EHMT2: variants seen among roughly 807,000 people sequenced by gnomAD.
EHMT2 encodes euchromatic histone lysine methyltransferase 2.
A neutral mutation model predicts 143.3 loss-of-function variants in EHMT2; 59 were observed. The ratio of observed to expected loss-of-function variants is 0.41; its 90% CI spans 0.33 to 0.51. The LOEUF (loss-of-function observed/expected upper bound fraction) is 0.51, where lower values mean the gene tolerates loss of function less well. Among genes scored for constraint, EHMT2 ranks in the 20% least tolerant of loss-of-function variants. EHMT2 has a pLI of 0.18. For missense variants in EHMT2, 1,174 were observed against 1,645.9 expected (o/e 0.71, Z 4.96); for synonymous variants, 604 against 651.5 (o/e 0.93, Z 1.11).
intron 4 of EHMT2, 188 bp from the exon 5 acceptor site, chr6:31,893,098 C>G: frequency 1.7e-6 from 1 of 572,624 alleles, no homozygotes; most frequent in Non-Finnish European, 3.1e-6. Context: ...CACACTAACA[C>G]TCACTCATCT....
rs1764048548 is a variant in EHMT2 at position 31,881,112 on chromosome 6, G to A, written c.3198-20C>T. On this transcript the variant is annotated intron_variant, in intron 25 of 27. Transcript: ENST00000375537. The surrounding 1 kb of genome is among the most constrained non-coding windows in gnomAD (Gnocchi z 4.8). ...ACATACCTGTGGGACAGGAATCCAT[G>A]GTTCTGAAGGTGAGTGTGGGCTATT... The A allele has an allele frequency of 6.2e-7, 1 of 1,607,750 alleles. No individual in the cohort carries two copies.
In EHMT2 at chr6:31,889,040, C is replaced by T. The variant is rs748821078; in HGVS notation, c.1145G>A (p.Ser382Asn). ...CCCCAGAGGGACCTCCATGTACTCA[C>T]TGGGGCCTGAGGAGCCCACACCATT... Residue 382 changes from serine (S) to asparagine (N), a missense_variant, in exon 10 of 28, where the codon AGT becomes AAT. By Grantham distance (46) the Ser-to-Asn change is conservative (BLOSUM62 1). Around this residue, in one of 6 missense-constraint regions of EHMT2, gnomAD observed 608 missense variants for 903.7 expected, o/e 0.67. Coordinates refer to ENST00000375537, the Ensembl canonical transcript of EHMT2. The surrounding 1 kb of genome is among the most constrained non-coding windows in gnomAD (Gnocchi z 5.1). The T allele has an allele frequency of 2.5e-6, 4 of 1,604,782 alleles. No individual in the cohort carries two copies. The South Asian group carries it at 4.5e-5, about 18-fold the overall frequency.
In EHMT2 at chr6:31,892,396, C is replaced by T; in HGVS notation, c.864+11G>A. ...AGCACCGGCGGGGAGGGCAGACCAGCTCTGTCTCACCTTGCTGTCGGAGTC... is the reference window on the plus strand; with the variant it reads ...AGCACCGGCGGGGAGGGCAGACCAGTTCTGTCTCACCTTGCTGTCGGAGTC... On this transcript the variant is annotated intron_variant, in intron 7 of 27. Coordinates refer to ENST00000375537, the Ensembl canonical transcript of EHMT2. The T allele has an allele frequency of 6.2e-7, 1 of 1,611,370 alleles. No individual in the cohort carries two copies. The highest frequency in any genetic ancestry group is 8.5e-7 in the Non-Finnish European group (1 of 1,178,838).
At chr6:31,885,063 C>G in intron 18 of EHMT2, 47 bp from the exon 19 acceptor site, 1 of 1,562,852 alleles carries the variant, frequency 6.4e-7, no homozygotes, top group Non-Finnish European at 8.7e-7. Flanking sequence ...GCCCTGCTCA[C>G]CAAAGCAGCA....
At chr6:31,894,913 A>G (rs889143081) in intron 4 of EHMT2, among the ~76,000 whole-genome samples, 2 of 152,038 alleles carry the variant, frequency 1.3e-5, no homozygotes, top group African/African-American at 2.4e-5. Flanking sequence ...TGGCCTCTGA[A>G]AGTGTTGAGA....
chr6:31,884,299 G>C lies in EHMT2; in HGVS notation c.2771+93C>G. 2.1e-6 allele frequency: 3 copies of C among 1,430,738 alleles called. No individual in the cohort carries two copies. Among genetic ancestry groups the C allele is most frequent in the East Asian group, 4.6e-5 (2 of 43,162 alleles). 88.6% of individuals were successfully genotyped at this position (1,430,738 alleles called of 1,614,324 possible). A position where few individuals can be genotyped will look rare whatever the true frequency, so the allele number is the denominator to read the frequency against. ...GGGGATTCAGTGGTGCATGGGGAGG[G>C]GTTGGGGAATGTTGTGAGGATGCAA... On this transcript the variant is annotated intron_variant, in intron 21 of 27. Coordinates refer to ENST00000375537, the Ensembl canonical transcript of EHMT2. The surrounding 1 kb of genome is among the most constrained non-coding windows in gnomAD (Gnocchi z 7.3).
At position 31,885,027 on chromosome 6, in the gene EHMT2, G is replaced by C; in HGVS notation, c.2344-11C>G. On this transcript the variant is annotated splice_polypyrimidine_tract_variant and intron_variant, in intron 18 of 27. Transcript: ENST00000375537. Reference sequence around the variant, plus strand: ...CCACCCCCCACTGTCCTGTGGGTGGGAAGGGAGTGAGGGTGGGGGCAGCTG... The same window carrying C: ...CCACCCCCCACTGTCCTGTGGGTGGCAAGGGAGTGAGGGTGGGGGCAGCTG... The C allele has an allele frequency of 6.3e-7, 1 of 1,598,756 alleles. No individual in the cohort carries two copies. Among genetic ancestry groups the C allele is most frequent in the Non-Finnish European group, 8.6e-7 (1 of 1,169,164 alleles).
chr6:31,890,873 A>AAAAC (rs35603294), intron 7 of EHMT2, among the ~76,000 whole-genome samples: 46,109 of 150,106 alleles, frequency 0.31, 8,983 homozygotes, highest in East Asian at 0.54. Flanking sequence ...TCAAAAAACA[A>AAAAC]AAACAAACAA....
chr6:31,881,212 G>C lies in EHMT2; in HGVS notation c.3198-120C>G. On this transcript the variant is annotated intron_variant, in intron 25 of 27. Transcript: ENST00000375537. This position sits in a 1 kb window ranked among gnomAD's most constrained non-coding sequence, Gnocchi z 4.8. Reference sequence around the variant, plus strand: ...AATGGGCAGGGCTGGCAGGTGTGGGGAAGGGAAGGCCTGGAGCAGCAGTGG... The same window carrying C: ...AATGGGCAGGGCTGGCAGGTGTGGGCAAGGGAAGGCCTGGAGCAGCAGTGG... The C allele has an allele frequency of 1.1e-6, 1 of 874,874 alleles. No homozygotes were observed. The highest frequency in any genetic ancestry group is 1.3e-5 in the South Asian group (1 of 74,286). 54.2% of individuals were successfully genotyped at this position (874,874 alleles called of 1,614,324 possible).
In EHMT2 at chr6:31,888,715, C is replaced by G. The variant is rs767800859; in HGVS notation, c.1249G>C (p.Glu417Gln). ...AGGGGCAACTCCTCAAACCCTCGCT[C>G]TGTCTCCAGCGAAGATGTGTCATTG... The change falls in exon 11 of 28, where the codon GAG becomes CAG. Residue 417 changes from glutamate to glutamine, a missense_variant. Physicochemically the swap from Glu to Gln is conservative, Grantham distance 29. Around this residue, in one of 6 missense-constraint regions of EHMT2, gnomAD observed 608 missense variants for 903.7 expected, o/e 0.67. Coordinates refer to ENST00000375537, the Ensembl canonical transcript of EHMT2. The surrounding 1 kb of genome is among the most constrained non-coding windows in gnomAD (Gnocchi z 7.4). 1 of 1,613,652 alleles carries G rather than the reference C, an allele frequency of 6.2e-7. No homozygotes were observed.
chr6:31,883,638 T>C lies in EHMT2; in HGVS notation c.2916+168A>G, dbSNP rs954543193. 7 of 1,110,452 alleles carry C rather than the reference T, an allele frequency of 6.3e-6. No individual in the cohort carries two copies. The African/African-American group carries it at 1.1e-4, about 17-fold the overall frequency. 68.8% of individuals were successfully genotyped at this position (1,110,452 alleles called of 1,614,324 possible). ...ACTGGGAGCTCATATGATACCTTGC[T>C]GTGACCTAGGAAAAGGATCCCTCCC... is the stretch of plus-strand genomic sequence containing the variant. On this transcript the variant is annotated intron_variant, in intron 22 of 27. Coordinates refer to ENST00000375537, the Ensembl canonical transcript of EHMT2. This position sits in a 1 kb window ranked among gnomAD's most constrained non-coding sequence, Gnocchi z 5.6.
rs759954880 is a variant in EHMT2 at position 31,884,865 on chromosome 6, T to C, written c.2448+47A>G. ...GGGCCCTTGAATCCAGCCTCCACCT[T>C]GCTCAGGGGCCTGGGGCTGCCCTAC... On this transcript the variant is annotated intron_variant, in intron 19 of 27. Transcript: ENST00000375537. This position sits in a 1 kb window ranked among gnomAD's most constrained non-coding sequence, Gnocchi z 7.3. The C allele has an allele frequency of 1.3e-6, 2 of 1,583,058 alleles. No individual in the cohort carries two copies. The highest frequency in any genetic ancestry group is 2.2e-5 in the South Asian group (2 of 89,140).
chr6:31,897,159 C>T (rs753193251), intron 1 of EHMT2, 170 bp from the exon 2 acceptor site: 4 of 1,348,034 alleles, frequency 3.0e-6, no homozygotes, highest in Non-Finnish European at 3.8e-6. Flanking sequence ...ACGACCCCTC[C>T]CCCGGGCCCG....
At chr6:31,896,396 C>T in exon 4 of EHMT2, 1 of 1,612,972 alleles carries the variant, frequency 6.2e-7, no homozygotes, top group South Asian at 1.1e-5. Flanking sequence ...ACTCAGTAGC[C>T]TCATAGCCAA....
chr6:31,887,036 C>A, exon 16 of EHMT2: 1 of 1,613,710 alleles, frequency 6.2e-7, no homozygotes, highest in Non-Finnish European at 8.5e-7. Context: ...CCCTTCTGGG[C>A]GGCTGCATGC....
At chr6:31,897,350 C>G in intron 1 of EHMT2, 1 of 475,218 alleles carries the variant, frequency 2.1e-6, no homozygotes, top group Non-Finnish European at 3.3e-6. Flanking sequence ...CCGCTGCCCC[C>G]CAGCCCGGTG....
chr6:31,892,363 C>A, intron 7 of EHMT2, 44 bp downstream of exon 7: 1 of 1,601,842 alleles, frequency 6.2e-7, no homozygotes, highest in Non-Finnish European at 8.5e-7. Flanking sequence ...GAGCCCCAGC[C>A]CTGGGGGAGC....
intron 4 of EHMT2, among the ~76,000 whole-genome samples, chr6:31,894,809 T>TTTA (rs3037244): frequency 0.61 from 90,899 of 150,136 alleles, 27,955 homozygotes; most frequent in Admixed American, 0.74. Context: ...ACCTGGCTAA[T>TTTA]TTATTATTAT....
chr6:31,884,944 T>C lies in EHMT2; in HGVS notation c.2416A>G (p.Thr806Ala), dbSNP rs759969162. The change falls in exon 19 of 28, where the codon ACG becomes GCG. Residue 806 changes from threonine (T) to alanine (A), a missense_variant. Physicochemically the swap from Thr to Ala is moderately conservative, Grantham distance 58 (BLOSUM62 0). Around this residue, in one of 6 missense-constraint regions of EHMT2, gnomAD observed 608 missense variants for 903.7 expected, o/e 0.67. Coordinates refer to ENST00000375537, the Ensembl canonical transcript of EHMT2. The surrounding 1 kb of genome is among the most constrained non-coding windows in gnomAD (Gnocchi z 7.3). ...GTGAGGGTGACGTCGGCGCCCCGCGTCAGTAGCATGCGGATCACCTCGATG... is the reference window on the plus strand; with the variant it reads ...GTGAGGGTGACGTCGGCGCCCCGCGCCAGTAGCATGCGGATCACCTCGATG... 1.2e-6 allele frequency: 2 copies of C among 1,609,468 alleles called. No individual in the cohort carries two copies. The highest frequency in any genetic ancestry group is 2.2e-5 in the South Asian group (2 of 90,996).
Sources: allele counts gnomAD v4.1 joint callset (sites outside exome capture counted in the v4.1 genomes callset), GRCh38; gene constraint gnomAD v4.1.1; regional missense constraint gnomAD v4.1.1; non-coding constraint Gnocchi (gnomAD v3.1); transcripts MANE v1.5; gene names NCBI Gene and HGNC (gene_info 2026-07-23, HGNC 2026-07-21).